KIAA0586: variants seen among roughly 807,000 people sequenced by gnomAD.
The protein encoded by KIAA0586 is protein TALPID3.
In KIAA0586, 144 loss-of-function variants were observed where a neutral mutation model predicts 169.8. That is an observed-to-expected ratio of 0.85 (90% confidence interval 0.74 to 0.97). The LOEUF (loss-of-function observed/expected upper bound fraction) is 0.97, where lower values mean the gene tolerates loss of function less well. Ranked by LOEUF, KIAA0586 falls within the 50% of genes least tolerant of loss-of-function variation. The pLI, the probability that KIAA0586 is intolerant of heterozygous loss-of-function variation, is 0.00. For synonymous variants in KIAA0586, 625 were observed against 612.4 expected (o/e 1.02, Z -0.30); for missense variants, 1,854 against 1,823.0 (o/e 1.02, Z -0.31).
At position 58,482,525 on chromosome 14, in the gene KIAA0586, G is replaced by C; in HGVS notation, c.2957G>C (p.Ser986Thr). The change falls in exon 21 of 31, where the codon AGC becomes ACC. Residue 986 changes from serine to threonine, a missense_variant. Transcript: ENST00000652326. Reference protein sequence around the residue: ...PLTSDIVEGTSSGALQLFVDA... With the variant: ...PLTSDIVEGTTSGALQLFVDA... ...TTTTTACTTTTAGTGGAAGGAACAA[G>C]CAGTGGCGCCCTCCAGCTTTTTGTT... is the stretch of plus-strand genomic sequence containing the variant. 1 of 1,529,530 alleles carries C rather than the reference G, an allele frequency of 6.5e-7. No homozygotes were observed. Among genetic ancestry groups the C allele is most frequent in the South Asian group, 1.3e-5 (1 of 78,866 alleles). 94.7% of individuals were successfully genotyped at this position (1,529,530 alleles called of 1,614,324 possible). A position where few individuals can be genotyped will look rare whatever the true frequency, so the allele number is the denominator to read the frequency against.
At position 58,510,709 on chromosome 14, in the gene KIAA0586, A is replaced by C. The variant is rs557484645; in HGVS notation, c.4324-1813A>C. Among the ~76,000 whole-genome samples the C allele has an allele frequency of 8.5e-5, 13 of 152,350 alleles. No homozygotes were observed. In the South Asian group the frequency reaches 2.7e-3, roughly 32 times the overall value. On this transcript the variant is annotated intron_variant, in intron 28 of 30. Coordinates refer to ENST00000652326, the MANE Select transcript of KIAA0586 (RefSeq NM_001329943.3). The stretch of plus-strand genomic sequence containing the variant: ...AACCTTATATTTGTAGTAACCAAAA[A>C]CTGAAAACAACACAAATGTCAATCA...
At chr14:58,557,901 C>CTTTTTTTTTTTTTTGTTTTTTTTT in the KIAA0586 span, among the ~76,000 whole-genome samples, 1 of 42,500 alleles carries the variant, frequency 2.4e-5, no homozygotes. Context: ...CCTGAGAAAT[C>CTTTTTTTTTTTTTTGTTTTTTTTT]TTTTTTTTTT....
chr14:58,468,065 G>A lies in KIAA0586; in HGVS notation c.2442+143G>A, dbSNP rs181822213. 12 of 586,042 alleles carry A rather than the reference G, an allele frequency of 2.0e-5. No homozygotes were observed. In the South Asian group the frequency reaches 2.3e-4, roughly 11 times the overall value. 36.3% of individuals were successfully genotyped at this position (586,042 alleles called of 1,614,324 possible). A position where few individuals can be genotyped will look rare whatever the true frequency, so the allele number is the denominator to read the frequency against. On this transcript the variant is annotated intron_variant, in intron 16 of 30. Coordinates refer to ENST00000652326, the MANE Select transcript of KIAA0586 (RefSeq NM_001329943.3). ...TTTTTAAATTTATTTTTATTTTTTA[G>A]ACAGAGTTTTGCTCTTGTCGCCCAG...
chr14:58,432,319 T>C (rs1456584050), intron 3 of KIAA0586, 69 bp from the exon 4 acceptor site: 18 of 938,988 alleles, frequency 1.9e-5, no homozygotes, highest in Non-Finnish European at 2.9e-5. Flanking sequence ...AAAGATTTTT[T>C]TAGTAGCTTA....
At chr14:58,486,986 A>G in intron 21 of KIAA0586, 21 bp from the exon 22 acceptor site, 1 of 1,570,938 alleles carries the variant, frequency 6.4e-7, no homozygotes, top group Non-Finnish European at 8.7e-7. Context: ...AACACAGTTT[A>G]TCTTGTTTTA....
chr14:58,436,944 A>G (rs150271364), intron 4 of KIAA0586, among the ~76,000 whole-genome samples: 104 of 152,344 alleles, frequency 6.8e-4, no homozygotes, highest in African/African-American at 2.0e-3. Context: ...CCCTAAAGGA[A>G]TTTGGTCTTT....
chr14:58,468,085 G>C (rs1399837453), intron 16 of KIAA0586, among the ~76,000 whole-genome samples, 163 bp downstream of exon 16: 1 of 151,546 alleles, frequency 6.6e-6, no homozygotes, highest in Non-Finnish European at 1.5e-5. Context: ...TGCTCTTGTC[G>C]CCCAGTCTGG....
At chr14:58,488,497 G>C (rs1173157694) in intron 23 of KIAA0586, 124 bp from the exon 24 acceptor site, 2 of 1,039,612 alleles carry the variant, frequency 1.9e-6, no homozygotes, top group East Asian at 2.4e-5. Context: ...GTTAATTATA[G>C]TAGTGCAGAT....
chr14:58,547,155 T>TAA (rs60672104), intron 30 of KIAA0586, among the ~76,000 whole-genome samples: 2,198 of 144,660 alleles, frequency 0.015, 54 homozygotes, highest in African/African-American at 0.05. Context: ...TTACCTCTTT[T>TAA]AAAAAAAAAA....
At chr14:58,557,901 C>CTTT in the KIAA0586 span, among the ~76,000 whole-genome samples, 881 of 42,508 alleles carry the variant, frequency 0.021, 245 homozygotes, top group Non-Finnish European at 0.024. Context: ...CCTGAGAAAT[C>CTTT]TTTTTTTTTT....
intron 29 of KIAA0586, among the ~76,000 whole-genome samples, chr14:58,539,659 A>G (rs1425592381): frequency 1.3e-5 from 2 of 152,158 alleles, no homozygotes; most frequent in Non-Finnish European, 2.9e-5. Flanking sequence ...GTATTGAGTA[A>G]TATGCTCCAG....
intron 30 of KIAA0586, among the ~76,000 whole-genome samples, chr14:58,544,927 TTC>T (rs2046888328): frequency 6.6e-6 from 1 of 152,246 alleles, no homozygotes; most frequent in African/African-American, 2.4e-5. Context: ...TATTTTGTTA[TTC>T]TGTTTTCCTT....
intron 18 of KIAA0586, among the ~76,000 whole-genome samples, chr14:58,473,173 T>G (rs1423336694): frequency 6.6e-6 from 1 of 151,900 alleles, no homozygotes; most frequent in Non-Finnish European, 1.5e-5. Flanking sequence ...ATAATATTAC[T>G]GAGTTGTACT....
Position 58,488,656 on chromosome 14 carries a change from G to T in KIAA0586, c.3563G>T (p.Ser1188Ile). ...MSVAKDEEPE[S>I]MDFPAQPPPP... is the part of the protein sequence containing the mutation. Reference sequence around the variant, plus strand: ...GTGGCTAAGGATGAAGAACCAGAGAGTATGGATTTCCCTGCTCAGCCTCCA... The same window carrying T: ...GTGGCTAAGGATGAAGAACCAGAGATTATGGATTTCCCTGCTCAGCCTCCA... Residue 1188 changes from serine to isoleucine, a missense_variant, in exon 24 of 31, where the codon AGT (serine) becomes ATT (isoleucine). Transcript: ENST00000652326. 6.2e-7 allele frequency: 1 copy of T among 1,613,870 alleles called. No individual in the cohort carries two copies. Among genetic ancestry groups the T allele is most frequent in the Non-Finnish European group, 8.5e-7 (1 of 1,179,842 alleles).
At chr14:58,427,686 A>G (rs1050400346), upstream of KIAA0586, 3 of 1,535,322 alleles carry the variant, frequency 2.0e-6, no homozygotes, top group Non-Finnish European at 2.6e-6. Context: ...GCGGGTTTGA[A>G]GGGAAGTGGG....
At chr14:58,512,967 G>A (rs2044496002) in intron 29 of KIAA0586, among the ~76,000 whole-genome samples, 1 of 151,946 alleles carries the variant, frequency 6.6e-6, no homozygotes, top group South Asian at 2.1e-4. Flanking sequence ...AGGGATTATG[G>A]CTGTATTTAA....
chr14:58,450,582 C>G lies in KIAA0586; in HGVS notation c.965C>G (p.Pro322Arg), dbSNP rs2039285086. 1 of 1,596,046 alleles carries G rather than the reference C, an allele frequency of 6.3e-7. No homozygotes were observed. Among genetic ancestry groups the G allele is most frequent in the Admixed American group, 1.8e-5 (1 of 55,392 alleles). Residue 322 changes from proline to arginine, a missense_variant, in exon 8 of 31, where the codon CCT (proline) becomes CGT (arginine). Pro to Arg is a moderately radical substitution (Grantham distance 103). Transcript: ENST00000652326. ...TTTAAAAAATTTTCTGTTAAAGCACCTTTAAAAGAAGTTGAAGATACGAGT... is the reference window on the plus strand; with the variant it reads ...TTTAAAAAATTTTCTGTTAAAGCACGTTTAAAAGAAGTTGAAGATACGAGT... ...LYNTFASKQA[P>R]LKEVEDTSFD...
rs2038520090 is a variant in KIAA0586, at chr14:58,442,865, A to T, written c.570A>T (p.Ala190=). The T allele has an allele frequency of 6.2e-7, 1 of 1,605,960 alleles. No individual in the cohort carries two copies. Among genetic ancestry groups the T allele is most frequent in the African/African-American group, 1.3e-5 (1 of 74,682 alleles). The change falls in exon 5 of 31, where the codon GCA becomes GCT. Residue 190 remains alanine (A), a synonymous_variant. Coordinates refer to ENST00000652326, the MANE Select transcript of KIAA0586 (RefSeq NM_001329943.3). The part of the protein sequence containing the change: ...AAATAAAIAT[A]APLIKVQSDL... ...CAACTGCTGCTGCCATTGCAACCGC[A>T]GCTCCGTTGATAAAGGTATATTTTT... is the stretch of plus-strand genomic sequence containing the variant.
intron 26 of KIAA0586, among the ~76,000 whole-genome samples, chr14:58,497,870 ATTTTTTTTTT>A (rs557927775): frequency 2.1e-5 from 2 of 95,266 alleles, no homozygotes; most frequent in Non-Finnish European, 2.2e-5. Context: ...AGTGGTTTTG[ATTTTTTTTTT>A]TTTTTTTTTT....
Sources: allele counts gnomAD v4.1 joint callset (sites outside exome capture counted in the v4.1 genomes callset), GRCh38; gene constraint gnomAD v4.1.1; transcripts MANE v1.5; gene names NCBI Gene and HGNC (gene_info 2026-07-23, HGNC 2026-07-21).